TECR: variants seen among roughly 807,000 people sequenced by gnomAD.
The protein encoded by TECR is trans-2,3-enoyl-CoA reductase, also known as very-long-chain enoyl-CoA reductase.
A neutral mutation model predicts 50.6 loss-of-function variants in TECR; 19 were observed. That is an observed-to-expected ratio of 0.38 (90% CI 0.26 to 0.55). The LOEUF is 0.55. Among genes scored for constraint, TECR ranks in the 20% least tolerant of loss-of-function variants. The probability of loss-of-function intolerance (pLI) is 0.79; values close to 1 mark genes in which losing one functional copy is unlikely to be tolerated. For missense variants in TECR, 313 were observed against 408.3 expected (o/e 0.77, Z 2.01); for synonymous variants, 168 against 163.5 (o/e 1.03, Z -0.21).
At chr19:14,542,062 C>T (rs1399722214) in intron 1 of TECR, among the ~76,000 whole-genome samples, 1 of 152,084 alleles carries the variant, frequency 6.6e-6, no homozygotes, top group Non-Finnish European at 1.5e-5. Flanking sequence ...GGATTACAGG[C>T]GTGAGCCACT....
chr19:14,550,262 C>T (rs2073450588), intron 1 of TECR, among the ~76,000 whole-genome samples: 2 of 152,098 alleles, frequency 1.3e-5, no homozygotes, highest in Non-Finnish European at 2.9e-5. Context: ...GAGGATGAGC[C>T]TCCGTGCCTG....
In TECR at chr19:14,562,541, C is replaced by G. The variant is rs760969845; in HGVS notation, c.32C>G (p.Ala11Gly). The G allele has an allele frequency of 6.2e-7, 1 of 1,614,238 alleles. No homozygotes were observed. The highest frequency in any genetic ancestry group is 8.5e-7 in the Non-Finnish European group (1 of 1,180,034). Reference protein sequence around the residue: MKHYEVEILDAKTREKLCFLD... With the variant: MKHYEVEILDGKTREKLCFLD... ...TTCTTCGAGGTGGAGATTCTGGACG[C>G]AAAGACAAGGGAGAAGCTGTGTTTC... is the stretch of plus-strand genomic sequence containing the variant. Residue 11 changes from alanine to glycine, a missense_variant, in exon 2 of 13, where the codon GCA becomes GGA. Physicochemically the swap from Ala to Gly is moderately conservative, Grantham distance 60 (BLOSUM62 0). Transcript: ENST00000215567.
At chr19:14,537,725 A>G (rs556251467) in intron 1 of TECR, among the ~76,000 whole-genome samples, 1 of 150,710 alleles carries the variant, frequency 6.6e-6, no homozygotes, top group South Asian at 2.1e-4. Flanking sequence ...TACGGTGAAT[A>G]TAGTGCTTAA....
At chr19:14,529,056 TGGG>T (rs34217497), upstream of TECR, 1 of 156,304 alleles carries the variant, frequency 6.4e-6, no homozygotes, top group Non-Finnish European at 1.4e-5. Flanking sequence ...GGTTCCCAAA[TGGG>T]GAGCTTTTCG....
chr19:14,542,252 A>G lies in TECR; in HGVS notation c.15+12541A>G, dbSNP rs1294805132. Reference sequence around the variant, plus strand: ...AGTGCAGGGATTACAGGTGTGAGACACCATGCCCGACCACATTCTACTGAT... The same window carrying G: ...AGTGCAGGGATTACAGGTGTGAGACGCCATGCCCGACCACATTCTACTGAT... On this transcript the variant is annotated intron_variant, in intron 1 of 12. Transcript: ENST00000215567. Among the ~76,000 whole-genome samples the G allele has an allele frequency of 4.6e-5, 7 of 150,608 alleles. 1 individual carries two copies. The highest frequency in any genetic ancestry group is 8.8e-5 in the Non-Finnish European group (6 of 67,906).
chr19:14,550,463 T>TC (rs1473751135), intron 1 of TECR, among the ~76,000 whole-genome samples: 1 of 152,102 alleles, frequency 6.6e-6, no homozygotes, highest in African/African-American at 2.4e-5. Flanking sequence ...TCTGCAGGGC[T>TC]CAGCCTCTGG....
In TECR at chr19:14,565,907, G is replaced by A. The variant is rs2074068764; in HGVS notation, c.*36G>A. Reference sequence around the variant, plus strand: ...CTGCTGAGGCTCAGCCCCTCAACCCGGTGGCATTCTGGGGGAGGAGTGGGG... The same window carrying A: ...CTGCTGAGGCTCAGCCCCTCAACCCAGTGGCATTCTGGGGGAGGAGTGGGG... On this transcript the variant is annotated 3_prime_UTR_variant, in exon 13 of 13. Coordinates refer to ENST00000215567, the MANE Select transcript of TECR (RefSeq NM_138501.6). 1 of 1,553,952 alleles carries A rather than the reference G, an allele frequency of 6.4e-7. No individual in the cohort carries two copies. Among genetic ancestry groups the A allele is most frequent in the Admixed American group, 1.9e-5 (1 of 52,084 alleles).
chr19:14,557,754 CAT>C (rs2073780923), intron 1 of TECR, among the ~76,000 whole-genome samples: 1 of 139,414 alleles, frequency 7.2e-6, no homozygotes, highest in African/African-American at 2.7e-5. Context: ...GCCCGGTCAT[CAT>C]ATTTATTCTT....
chr19:14,552,165 CTTTT>C (rs1488244383), intron 1 of TECR, among the ~76,000 whole-genome samples: 1 of 142,244 alleles, frequency 7.0e-6, no homozygotes, highest in Non-Finnish European at 1.5e-5. Context: ...TTCTTTCTTT[CTTTT>C]TTCTTTTTTT....
intron 1 of TECR, among the ~76,000 whole-genome samples, chr19:14,547,914 G>T (rs2073360100): frequency 1.4e-5 from 2 of 147,642 alleles, no homozygotes; most frequent in Admixed American, 1.3e-4. Flanking sequence ...GGCCTCGAGG[G>T]ATCCTCCTGC....
At position 14,563,976 on chromosome 19, in the gene TECR, T is replaced by A. The variant is rs1382893865; in HGVS notation, c.268-6T>A. The A allele has an allele frequency of 6.2e-7, 1 of 1,614,026 alleles. No individual in the cohort carries two copies. Among genetic ancestry groups the A allele is most frequent in the South Asian group, 1.1e-5 (1 of 91,088 alleles). ...GGTGACTCATCTTGCCCCCCTCTAC[T>A]CTCAGGTCTTCCTAACAGAGTACGC... On this transcript the variant is annotated splice_polypyrimidine_tract_variant and splice_region_variant and intron_variant, in intron 5 of 12. Coordinates refer to ENST00000215567, the MANE Select transcript of TECR (RefSeq NM_138501.6). This position sits in a 1 kb window ranked among gnomAD's most constrained non-coding sequence, Gnocchi z 5.3.
intron 1 of TECR, among the ~76,000 whole-genome samples, chr19:14,542,179 G>A (rs1362977245): frequency 6.6e-6 from 1 of 151,790 alleles, no homozygotes; most frequent in Non-Finnish European, 1.5e-5. Context: ...TGCCCAGGCT[G>A]GTCTCCAACT....
At chr19:14,561,997 T>C (rs4926134) in intron 1 of TECR, 245,943 of 247,866 alleles carry the variant, frequency 0.99, 122,024 homozygotes, top group Middle Eastern at 1. Flanking sequence ...TGGGAGGTGT[T>C]GTCATGCCTG....
At chr19:14,565,343 G>A (rs1407703946) in intron 11 of TECR, 53 bp downstream of exon 11, 1 of 1,604,998 alleles carries the variant, frequency 6.2e-7, no homozygotes, top group East Asian at 2.2e-5. Context: ...CCCATGTGGA[G>A]GGACCAGCCC....
Position 14,565,964 on chromosome 19 carries a change from C to T in TECR, c.*93C>T, listed in dbSNP as rs1420344344. The T allele has an allele frequency of 2.6e-6, 4 of 1,550,068 alleles. 1 individual carries two copies. Among genetic ancestry groups the T allele is most frequent in the South Asian group, 2.3e-5 (2 of 85,314 alleles). On this transcript the variant is annotated 3_prime_UTR_variant, in exon 13 of 13. Transcript: ENST00000215567. ...GCTCTCCAGCACCCGGAATAAAGCC[C>T]GCCTGCCCCAGTCGGACTCGGGCTC... is the stretch of plus-strand genomic sequence containing the variant.
upstream of TECR, chr19:14,529,490 G>A (rs1281932591): frequency 1.4e-6 from 1 of 703,452 alleles, no homozygotes; most frequent in African/African-American, 1.8e-5. Context: ...CCTAGTCTTG[G>A]TTCGGACCGG....
intron 8 of TECR, 26 bp from the exon 9 acceptor site, chr19:14,564,923 G>C: frequency 6.2e-7 from 1 of 1,613,996 alleles, no homozygotes; most frequent in Non-Finnish European, 8.5e-7. Flanking sequence ...TCCCCTCATG[G>C]GCTCCCCTCC....
intron 1 of TECR, among the ~76,000 whole-genome samples, chr19:14,539,919 G>T (rs150937619): frequency 0.016 from 2,322 of 149,484 alleles, 44 homozygotes; most frequent in African/African-American, 0.051. Context: ...CTGCCCTGTT[G>T]CCCAGGCTGG....
At chr19:14,542,925 A>G (rs1029085948) in intron 1 of TECR, among the ~76,000 whole-genome samples, 1 of 151,318 alleles carries the variant, frequency 6.6e-6, no homozygotes, top group Non-Finnish European at 1.5e-5. Context: ...AGAGCCCACC[A>G]GCCATTCACA....
Sources: allele counts gnomAD v4.1 joint callset (sites outside exome capture counted in the v4.1 genomes callset), GRCh38; gene constraint gnomAD v4.1.1; non-coding constraint Gnocchi (gnomAD v3.1); transcripts MANE v1.5; gene names NCBI Gene and HGNC (gene_info 2026-07-23, HGNC 2026-07-21).